U2AF2: variants seen among roughly 807,000 people sequenced by gnomAD.
U2AF2 encodes splicing factor U2AF 65 kDa subunit.
U2AF2 carries 6 observed loss-of-function variants against 52.6 expected under a neutral mutation model. The observed-to-expected ratio is 0.11, with a 90% CI of 0.06 to 0.23. The LOEUF is 0.23. Among genes scored for constraint, U2AF2 ranks in the 10% least tolerant of loss-of-function variants. The pLI, the probability that U2AF2 is intolerant of heterozygous loss-of-function variation, is 1.00. For missense variants in U2AF2, 222 were observed against 677.1 expected, an observed-to-expected ratio of 0.33 and a Z score of 7.46; for synonymous variants, 284 against 258.2, an observed-to-expected ratio of 1.10 and a Z score of -0.96.
chr19:55,660,452 C>T (rs574876880), intron 3 of U2AF2, 64 bp from the exon 4 acceptor site: 114 of 1,167,720 alleles, frequency 9.8e-5, no homozygotes, highest in African/African-American at 7.7e-4. Flanking sequence ...GGAGGGGGCT[C>T]GCAGGCCCAC....
chr19:55,665,890 G>C (rs1302254282), intron 7 of U2AF2, among the ~76,000 whole-genome samples: 4 of 152,154 alleles, frequency 2.6e-5, no homozygotes, highest in Non-Finnish European at 4.4e-5. Context: ...TTTGTGACCT[G>C]CCTTGGCCTC....
intron 11 of U2AF2, 48 bp from the exon 12 acceptor site, chr19:55,673,886 T>G (rs757541126): frequency 3.2e-6 from 5 of 1,575,592 alleles, no homozygotes; most frequent in Non-Finnish European, 4.3e-6. Context: ...GCTGACTGGC[T>G]GTTGGGCGTG....
chr19:55,661,407 C>A, intron 5 of U2AF2: 2 of 509,980 alleles, frequency 3.9e-6, no homozygotes, highest in Non-Finnish European at 6.9e-6. Context: ...CCCCTCCCCC[C>A]AACCTCCTCC....
chr19:55,656,414 G>T (rs1983798966), intron 1 of U2AF2, among the ~76,000 whole-genome samples: 1 of 152,240 alleles, frequency 6.6e-6, no homozygotes, highest in South Asian at 2.1e-4. Context: ...CTGCTCAAGA[G>T]CATAGGCTTT....
Position 55,668,829 on chromosome 19 carries a change from C to T in U2AF2, c.945+37C>T. ...GTCGCTGGCCGCTGCCGCGTCTGTC[C>T]TTCCCTGCCCTGCGCTGTTGCCAAG... is the stretch of plus-strand genomic sequence containing the variant. On this transcript the variant is annotated intron_variant, in intron 9 of 11. Transcript: ENST00000308924. This position sits in a 1 kb window ranked among gnomAD's most constrained non-coding sequence, Gnocchi z 5.5. The T allele has an allele frequency of 1.3e-6, 2 of 1,592,052 alleles. No homozygotes were observed. Among genetic ancestry groups the T allele is most frequent in the East Asian group, 2.3e-5 (1 of 44,402 alleles).
intron 3 of U2AF2, 77 bp downstream of exon 3, chr19:55,660,298 C>A: frequency 6.6e-7 from 1 of 1,522,460 alleles, no homozygotes; most frequent in Non-Finnish European, 9.0e-7. Flanking sequence ...CCCTGTCCCG[C>A]CCATTTCCAG....
At chr19:55,672,376 G>C (rs1013529243) in intron 11 of U2AF2, among the ~76,000 whole-genome samples, 3 of 151,736 alleles carry the variant, frequency 2.0e-5, no homozygotes, top group Non-Finnish European at 4.4e-5. Flanking sequence ...AGGCTTATCA[G>C]GTTTATTTCA....
rs1984691587 is a variant in U2AF2, at chr19:55,668,639, C to G, written c.823-31C>G. On this transcript the variant is annotated intron_variant, in intron 8 of 11. Coordinates refer to ENST00000308924, the MANE Select transcript of U2AF2 (RefSeq NM_007279.3). The surrounding 1 kb of genome is among the most constrained non-coding windows in gnomAD (Gnocchi z 5.5). Reference sequence around the variant, plus strand: ...GTCCCCCCACCCCGCCCCACCTCATCCCAGCCCTGATGGACTCTCGGCTAC... The same window carrying G: ...GTCCCCCCACCCCGCCCCACCTCATGCCAGCCCTGATGGACTCTCGGCTAC... 3.6e-6 allele frequency: 4 copies of G among 1,114,970 alleles called. No homozygotes were observed. Among genetic ancestry groups the G allele is most frequent in the African/African-American group, 3.2e-5 (2 of 63,052 alleles). 69.1% of individuals were successfully genotyped at this position (1,114,970 alleles called of 1,614,324 possible).
intron 7 of U2AF2, among the ~76,000 whole-genome samples, chr19:55,665,029 C>T (rs1441340748): frequency 6.6e-6 from 1 of 152,140 alleles, no homozygotes; most frequent in East Asian, 1.9e-4. Flanking sequence ...AGTGCTTTTC[C>T]ATCATGGGTT....
intron 5 of U2AF2, 35 bp from the exon 6 acceptor site, chr19:55,662,467 C>A: frequency 9.0e-7 from 1 of 1,108,810 alleles, no homozygotes; most frequent in Non-Finnish European, 1.3e-6. Context: ...CCTCCCTTCC[C>A]CCGCCCCCCC....
chr19:55,657,514 G>C (rs1044674992), intron 1 of U2AF2, among the ~76,000 whole-genome samples: 1 of 152,158 alleles, frequency 6.6e-6, no homozygotes, highest in Non-Finnish European at 1.5e-5. Flanking sequence ...CTGTCTGCCT[G>C]CTTGCCTGTT....
intron 1 of U2AF2, among the ~76,000 whole-genome samples, chr19:55,658,092 A>G (rs1254266249): frequency 1.3e-5 from 2 of 152,172 alleles, no homozygotes; most frequent in African/African-American, 4.8e-5. Flanking sequence ...GAGACAAAAC[A>G]CTGTGGGTGA....
At chr19:55,661,261 T>C (rs1432815841) in intron 5 of U2AF2, 72 bp downstream of exon 5, 2 of 1,375,928 alleles carry the variant, frequency 1.5e-6, no homozygotes, top group African/African-American at 3.3e-5. Flanking sequence ...CTCCATTCCC[T>C]TTCCCCAACC....
Position 55,668,532 on chromosome 19 carries a change from C to T in U2AF2, c.768C>T (p.Asp256=). Residue 256 remains aspartate (D), a synonymous_variant, in exon 8 of 12, where the codon GAC becomes GAT. Coordinates refer to ENST00000308924, the MANE Select transcript of U2AF2 (RefSeq NM_007279.3). This position sits in a 1 kb window ranked among gnomAD's most constrained non-coding sequence, Gnocchi z 5.5. ...VPGVVSTVVP[D]SAHKLFIGGL... is the part of the protein sequence containing the mutation. Reference sequence around the variant, plus strand: ...GGGTTGTGTCCACTGTGGTCCCCGACTCTGCCCACAAGCTGTTCATCGGGG... The same window carrying T: ...GGGTTGTGTCCACTGTGGTCCCCGATTCTGCCCACAAGCTGTTCATCGGGG... 2 of 1,606,918 alleles carry T rather than the reference C, an allele frequency of 1.2e-6. No individual in the cohort carries two copies. Among genetic ancestry groups the T allele is most frequent in the Non-Finnish European group, 1.7e-6 (2 of 1,175,974 alleles).
Position 55,661,019 on chromosome 19 carries a change from G to A in U2AF2, c.335-19G>A. 6.4e-7 allele frequency: 1 copy of A among 1,566,108 alleles called. No individual in the cohort carries two copies. The highest frequency in any genetic ancestry group is 2.3e-5 in the East Asian group (1 of 42,900). On this transcript the variant is annotated intron_variant, in intron 4 of 11. Coordinates refer to ENST00000308924, the MANE Select transcript of U2AF2 (RefSeq NM_007279.3). ...CATTCCCCTGATGGGGTTTTATCCGGCTTTTATTCCCTTTGAAGCTGCGGG... is the reference window on the plus strand; with the variant it reads ...CATTCCCCTGATGGGGTTTTATCCGACTTTTATTCCCTTTGAAGCTGCGGG...
chr19:55,659,661 C>CT (rs140547487), intron 2 of U2AF2, among the ~76,000 whole-genome samples: 4,416 of 151,948 alleles, frequency 0.029, 75 homozygotes, highest in South Asian at 0.045. Flanking sequence ...GTCTCTGACT[C>CT]TGAGGGCCTG....
chr19:55,662,540 G>C lies in U2AF2; in HGVS notation c.525G>C (p.Leu175=). Residue 175 remains leucine (L), a synonymous_variant, in exon 6 of 12, where the codon CTG becomes CTC. Coordinates refer to ENST00000308924, the MANE Select transcript of U2AF2 (RefSeq NM_007279.3). The stretch of plus-strand genomic sequence containing the variant: ...ATTTCTTCAACGCCCAGATGCGCCT[G>C]GGGGGGCTGACCCAGGCCCCTGGCA... The part of the protein sequence containing the change: ...MMDFFNAQMR[L]GGLTQAPGNP... The C allele has an allele frequency of 1.2e-6, 2 of 1,607,074 alleles. No individual in the cohort carries two copies. The highest frequency in any genetic ancestry group is 8.5e-7 in the Non-Finnish European group (1 of 1,177,338).
chr19:55,655,048 G>A lies in U2AF2; in HGVS notation c.-57G>A. The stretch of plus-strand genomic sequence containing the variant: ...AGCGGCGGAAGTAGCCGAAGCGGCT[G>A]GAGCGGGCGGCAAGGCGAGGCGAAA... On this transcript the variant is annotated 5_prime_UTR_variant, in exon 1 of 12. Coordinates refer to ENST00000308924, the MANE Select transcript of U2AF2 (RefSeq NM_007279.3). 6.3e-7 allele frequency: 1 copy of A among 1,597,420 alleles called. No homozygotes were observed. Among genetic ancestry groups the A allele is most frequent in the Non-Finnish European group, 8.5e-7 (1 of 1,173,476 alleles).
In U2AF2 at chr19:55,669,446, C is replaced by T; in HGVS notation, c.1047C>T (p.Ser349=). The T allele has an allele frequency of 1.3e-6, 2 of 1,599,364 alleles. No individual in the cohort carries two copies. The highest frequency in any genetic ancestry group is 1.7e-6 in the Non-Finnish European group (2 of 1,170,860). The change falls in exon 11 of 12, where the codon AGC becomes AGT. Residue 349 remains serine (S), a splice_region_variant and synonymous_variant. Coordinates refer to ENST00000308924, the MANE Select transcript of U2AF2 (RefSeq NM_007279.3). ...AKNATLVSPP[S]TINQTPVTLQ... ...CGCTGCCTCCCCTGGCCCCACAGAGCACCATCAATCAGACGCCTGTGACCC... is the reference window on the plus strand; with the variant it reads ...CGCTGCCTCCCCTGGCCCCACAGAGTACCATCAATCAGACGCCTGTGACCC...
Sources: gnomAD v4.1 joint callset for allele counts (sites outside exome capture counted in the v4.1 genomes callset) on GRCh38, gnomAD v4.1.1 for gene constraint, Gnocchi (gnomAD v3.1) non-coding constraint, MANE v1.5 for transcripts, NCBI Gene and HGNC (gene_info 2026-07-23, HGNC 2026-07-21) for gene names.